Variants in FAM135B observed in about 807,000 individuals in gnomAD.
FAM135B encodes protein FAM135B.
A neutral mutation model predicts 127.7 loss-of-function variants in FAM135B; 43 were observed. That is an observed-to-expected ratio of 0.34 (90% CI 0.26 to 0.43). FAM135B has a LOEUF of 0.43. Among genes scored for constraint, FAM135B ranks in the 20% least tolerant of loss-of-function variants. FAM135B has a pLI of 1.00. For missense variants in FAM135B, 1,558 were observed against 1,725.6 expected (o/e 0.90, Z 1.72); for synonymous variants, 670 against 665.1 (o/e 1.01, Z -0.11).
At chr8:138,341,944 T>C (rs1462972238) in intron 2 of FAM135B, among the ~76,000 whole-genome samples, 1 of 152,026 alleles carries the variant, frequency 6.6e-6, no homozygotes. Flanking sequence ...CTATATACTA[T>C]TTTAGGTGCA....
intron 2 of FAM135B, among the ~76,000 whole-genome samples, chr8:138,317,071 G>T (rs941307406): frequency 1.3e-5 from 2 of 151,158 alleles, no homozygotes; most frequent in Non-Finnish European, 2.9e-5. Context: ...ACTTACTTAT[G>T]CAAGAACTTG....
chr8:138,202,527 C>T (rs756799960), intron 7 of FAM135B, among the ~76,000 whole-genome samples: 11 of 152,086 alleles, frequency 7.2e-5, no homozygotes, highest in Non-Finnish European at 1.5e-4. Context: ...AGTGGGATTC[C>T]AGGCATGAGC....
intron 4 of FAM135B, among the ~76,000 whole-genome samples, chr8:138,257,754 T>C (rs1822204090): frequency 6.6e-6 from 1 of 152,190 alleles, no homozygotes; most frequent in Admixed American, 6.5e-5. Context: ...GAGCCAAGTA[T>C]TGTCTGCTGA....
At chr8:138,453,265 C>A (rs950480721) in intron 1 of FAM135B, among the ~76,000 whole-genome samples, 1 of 152,052 alleles carries the variant, frequency 6.6e-6, no homozygotes, top group East Asian at 1.9e-4. Context: ...ATCCCACTTG[C>A]GAAAAGTTCA....
At chr8:138,298,417 T>C (rs1181880997) in intron 3 of FAM135B, among the ~76,000 whole-genome samples, 1 of 152,114 alleles carries the variant, frequency 6.6e-6, no homozygotes, top group African/African-American at 2.4e-5. Context: ...AAGACCTGAA[T>C]TAATTAAGGA....
intron 14 of FAM135B, among the ~76,000 whole-genome samples, 188 bp from the exon 15 acceptor site, chr8:138,146,238 C>T (rs1052042530): frequency 6.6e-6 from 1 of 152,168 alleles, no homozygotes; most frequent in Non-Finnish European, 1.5e-5. Context: ...CTTGGCCCCC[C>T]ACACTCAGAG....
At chr8:138,207,333 C>T (rs1817774395) in intron 7 of FAM135B, among the ~76,000 whole-genome samples, 1 of 151,578 alleles carries the variant, frequency 6.6e-6, no homozygotes, top group South Asian at 2.1e-4. Context: ...CCCAGCCTCC[C>T]AACTAGCTGG....
chr8:138,206,739 CTGTATCATCCCCTCCACCTACACACAAT>C (rs1817695218), intron 7 of FAM135B, among the ~76,000 whole-genome samples: 6 of 149,240 alleles, frequency 4.0e-5, no homozygotes, highest in Admixed American at 6.7e-5. Context: ...CTACACACAA[CTGTATCATCCCCTCCACCTACACACAAT>C]TCCAGCATCC....
At chr8:138,269,181 A>G (rs76072996) in intron 3 of FAM135B, among the ~76,000 whole-genome samples, 2,402 of 152,320 alleles carry the variant, frequency 0.016, 32 homozygotes, top group Non-Finnish European at 0.022. Flanking sequence ...AATGATATTG[A>G]TACTTTATAG....
chr8:138,314,195 G>A (rs1826903581), intron 2 of FAM135B, among the ~76,000 whole-genome samples: 1 of 152,168 alleles, frequency 6.6e-6, no homozygotes, highest in African/African-American at 2.4e-5. Flanking sequence ...CATATTAAGT[G>A]TGGGGTATCT....
At chr8:138,481,911 G>A (rs1231887490) in intron 1 of FAM135B, among the ~76,000 whole-genome samples, 1 of 152,188 alleles carries the variant, frequency 6.6e-6, no homozygotes, top group Admixed American at 6.5e-5. Flanking sequence ...GAAATGATTG[G>A]AATAGTCAGG....
chr8:138,357,884 T>C (rs1830188660), intron 2 of FAM135B, among the ~76,000 whole-genome samples: 1 of 152,160 alleles, frequency 6.6e-6, no homozygotes, highest in Admixed American at 6.6e-5. Flanking sequence ...GAAAATGTGA[T>C]TTATCCTATT....
chr8:138,296,402 T>C (rs1825484804), intron 3 of FAM135B, among the ~76,000 whole-genome samples: 1 of 152,224 alleles, frequency 6.6e-6, no homozygotes, highest in African/African-American at 2.4e-5. Context: ...GGGCTGTTTA[T>C]GCATTTTATT....
chr8:138,199,598 C>T (rs1816946840), intron 7 of FAM135B, among the ~76,000 whole-genome samples: 1 of 152,108 alleles, frequency 6.6e-6, no homozygotes, highest in Non-Finnish European at 1.5e-5. Context: ...TTTCACAGTG[C>T]TATAAAGAAA....
At chr8:138,145,121 T>A (rs1047623709) in intron 15 of FAM135B, among the ~76,000 whole-genome samples, 1 of 152,114 alleles carries the variant, frequency 6.6e-6, no homozygotes, top group African/African-American at 2.4e-5. Context: ...GCTCATGTGA[T>A]CCTCCCACCT....
rs987540616 is a variant in FAM135B at position 138,130,757 on chromosome 8, A to C, written c.*1836T>G. 2.0e-4 allele frequency: 30 copies of C among 152,254 alleles called. No individual in the cohort carries two copies. Among genetic ancestry groups the C allele is most frequent in the African/African-American group, 6.5e-4 (27 of 41,466 alleles). 9.4% of individuals were successfully genotyped at this position (152,254 alleles called of 1,614,324 possible). A position where few individuals can be genotyped will look rare whatever the true frequency, so the allele number is the denominator to read the frequency against. On this transcript the variant is annotated 3_prime_UTR_variant, in exon 20 of 20. Coordinates refer to ENST00000395297, the MANE Select transcript of FAM135B (RefSeq NM_015912.4). ...CACGACTAGGGAACAAATGTCTCCCAGGTTACAGAGCAAATACAGCACTCC... is the reference window on the plus strand; with the variant it reads ...CACGACTAGGGAACAAATGTCTCCCCGGTTACAGAGCAAATACAGCACTCC...
intron 1 of FAM135B, among the ~76,000 whole-genome samples, chr8:138,468,617 G>C (rs1408736263): frequency 1.3e-5 from 2 of 152,116 alleles, no homozygotes; most frequent in Admixed American, 1.3e-4. Flanking sequence ...ACTTGCTTTT[G>C]ATTCAGCCAG....
At chr8:138,156,048 A>G (rs1248560914) in intron 12 of FAM135B, among the ~76,000 whole-genome samples, 3 of 152,326 alleles carry the variant, frequency 2.0e-5, no homozygotes, top group East Asian at 3.9e-4. Context: ...AGATGGAAGT[A>G]AAGCACTCCT....
At chr8:138,294,944 T>C (rs1262570170) in intron 3 of FAM135B, among the ~76,000 whole-genome samples, 1 of 152,176 alleles carries the variant, frequency 6.6e-6, no homozygotes, top group Non-Finnish European at 1.5e-5. Flanking sequence ...ATTTCCCATA[T>C]AAGTCTATTT....
Sources: allele counts gnomAD v4.1 joint callset (sites outside exome capture counted in the v4.1 genomes callset), GRCh38; gene constraint gnomAD v4.1.1; transcripts MANE v1.5; gene names NCBI Gene and HGNC (gene_info 2026-07-23, HGNC 2026-07-21).